COL2A1: variants seen among roughly 807,000 people sequenced by gnomAD.
The protein encoded by COL2A1 is collagen type II alpha 1 chain.
COL2A1 carries 28 observed loss-of-function variants against 204.5 expected under a neutral mutation model. The observed-to-expected ratio is 0.14, with a 90% confidence interval of 0.10 to 0.19. The LOEUF (loss-of-function observed/expected upper bound fraction) is 0.19. COL2A1 is among the 10% of genes least tolerant of loss of function. The probability of loss-of-function intolerance (pLI) is 1.00; values close to 1 mark genes in which losing one functional copy is unlikely to be tolerated. For synonymous variants in COL2A1, 708 were observed against 718.7 expected (o/e 0.99, Z 0.24); for missense variants, 1,388 against 2,027.5 (o/e 0.68, Z 6.06).
Position 48,004,218 on chromosome 12 carries a change from G to A in COL2A1, c.85+19C>T, listed in dbSNP as rs1226067126. 2 of 1,513,896 alleles carry A rather than the reference G, an allele frequency of 1.3e-6. No individual in the cohort carries two copies. The highest frequency in any genetic ancestry group is 9.0e-7 in the Non-Finnish European group (1 of 1,115,392). 93.8% of individuals were successfully genotyped at this position (1,513,896 alleles called of 1,614,324 possible). On this transcript the variant is annotated intron_variant, in intron 1 of 53. Transcript: ENST00000380518. ...CGCATGGAAAGCAGGCAGGCAGGCA[G>A]GGGCGGGGGAAGACTTACGGACATC...
At chr12:47,981,188 T>C (rs1184856413) in intron 37 of COL2A1, among the ~76,000 whole-genome samples, 155 bp downstream of exon 37, 1 of 151,938 alleles carries the variant, frequency 6.6e-6, no homozygotes, top group Non-Finnish European at 1.5e-5. Context: ...TCCCTTCCCA[T>C]CTCTCCTCCC....
upstream of COL2A1, chr12:48,005,588 C>G (rs764977028): frequency 1.3e-5 from 2 of 152,394 alleles, no homozygotes; most frequent in Non-Finnish European, 2.9e-5. Context: ...CCCCGGTGAG[C>G]GCCCTCTCTC....
intron 28 of COL2A1, 85 bp downstream of exon 28, chr12:47,984,461 C>G (rs1484653469): frequency 7.1e-7 from 1 of 1,408,452 alleles, no homozygotes; most frequent in Non-Finnish European, 1.0e-6. Context: ...GGTCCCGGGA[C>G]CATGCCATGG....
intron 8 of COL2A1, 81 bp from the exon 9 acceptor site, chr12:47,996,000 A>C: frequency 8.6e-7 from 1 of 1,167,168 alleles, no homozygotes; most frequent in Non-Finnish European, 1.3e-6. Flanking sequence ...CCCAGCCAAC[A>C]GCCCGGGCAA....
At chr12:47,993,673 T>TCAG in intron 14 of COL2A1, 136 bp downstream of exon 14, 1 of 1,153,078 alleles carries the variant, frequency 8.7e-7, no homozygotes, top group Non-Finnish European at 1.3e-6. Flanking sequence ...CCCATCAGGA[T>TCAG]GTAGGGCTGG....
At position 47,978,698 on chromosome 12, in the gene COL2A1, G is replaced by A. The variant is rs121912866; in HGVS notation, c.2794C>T (p.Arg932Ter). Residue 932 changes from arginine (R) to a stop codon, truncating the protein, a stop_gained, in exon 42 of 54, where the codon CGA becomes TGA. Coordinates refer to ENST00000380518, the MANE Select transcript of COL2A1 (RefSeq NM_001844.5). LOFTEE classifies it high-confidence loss of function. The surrounding 1 kb of genome is among the most constrained non-coding windows in gnomAD (Gnocchi z 5.5). ...CGGCCAGGGGGGCCGCTGTCTCCTCGAGCACCTTTGGGACCATCTTTTCCA... is the reference window on the plus strand; with the variant it reads ...CGGCCAGGGGGGCCGCTGTCTCCTCAAGCACCTTTGGGACCATCTTTTCCA... ...PSGKDGPKGARGDSGPPGRAG... is the reference protein window; with the variant it reads ...PSGKDGPKGA 1 of 1,613,234 alleles carries A rather than the reference G, an allele frequency of 6.2e-7. No homozygotes were observed. The highest frequency in any genetic ancestry group is 8.5e-7 in the Non-Finnish European group (1 of 1,179,996).
intron 2 of COL2A1, among the ~76,000 whole-genome samples, chr12:47,999,130 G>A (rs1210724242): frequency 6.6e-6 from 1 of 152,316 alleles, no homozygotes. Flanking sequence ...TCAGCAGGAA[G>A]CGGACAGCAA....
chr12:47,974,252 C>G lies in COL2A1; in HGVS notation c.4154G>C (p.Gly1385Ala), dbSNP rs767382058. 3 of 1,614,216 alleles carry G rather than the reference C, an allele frequency of 1.9e-6. No individual in the cohort carries two copies. The highest frequency in any genetic ancestry group is 2.2e-5 in the South Asian group (2 of 91,088). The change falls in exon 53 of 54, where the codon GGC (glycine) becomes GCC (alanine). Residue 1385 changes from glycine to alanine, a missense_variant. Gly to Ala is a moderately conservative substitution (Grantham distance 60). This residue lies in a region of COL2A1 where 303 missense variants were observed against 369.2 expected (regional missense o/e 0.82). Transcript: ENST00000380518. ...MTFLRLLSTEGSQNITYHCKN... is the reference protein window; with the variant it reads ...MTFLRLLSTEASQNITYHCKN... ...GCAGTGGTAGGTGATGTTCTGGGAG[C>G]CTTCCGTGGACAGCAGGCGTAGGAA...
In COL2A1 at chr12:47,993,006, C is replaced by T. The variant is rs1039154104; in HGVS notation, c.970-75G>A. On this transcript the variant is annotated intron_variant, in intron 15 of 53. Transcript: ENST00000380518. Reference sequence around the variant, plus strand: ...CAGGGTGACCATTTCTACCTGCAGGCCCTTTGCGGATACCAGAGGAGAGGG... The same window carrying T: ...CAGGGTGACCATTTCTACCTGCAGGTCCTTTGCGGATACCAGAGGAGAGGG... 3 of 1,408,202 alleles carry T rather than the reference C, an allele frequency of 2.1e-6. No individual in the cohort carries two copies. The East Asian group carries it at 7.0e-5, about 33-fold the overall frequency. 87.2% of individuals were successfully genotyped at this position (1,408,202 alleles called of 1,614,324 possible).
At chr12:47,993,909 G>C in intron 13 of COL2A1, 47 bp from the exon 14 acceptor site, 1 of 1,613,782 alleles carries the variant, frequency 6.2e-7, no homozygotes, top group Non-Finnish European at 8.5e-7. Context: ...GGAAACCCAA[G>C]TTGGAAGAAA....
intron 26 of COL2A1, 39 bp downstream of exon 26, chr12:47,985,495 C>T (rs761743720): frequency 1.3e-6 from 2 of 1,597,050 alleles, no homozygotes; most frequent in Admixed American, 1.7e-5. Context: ...CCAGGGAGAT[C>T]CCCCCACCCT....
chr12:47,986,069 G>T, intron 23 of COL2A1, 104 bp from the exon 24 acceptor site: 1 of 1,155,710 alleles, frequency 8.7e-7, no homozygotes, highest in Non-Finnish European at 1.3e-6. Context: ...TTTCTGGGGA[G>T]CAGTAGCTGT....
chr12:47,989,332 C>A, intron 17 of COL2A1, 51 bp from the exon 18 acceptor site: 1 of 1,470,766 alleles, frequency 6.8e-7, no homozygotes, highest in Non-Finnish European at 9.4e-7. Context: ...TTCTGGCCTC[C>A]AAAGCGAGCC....
chr12:47,982,466 A>G, intron 34 of COL2A1, 36 bp downstream of exon 34: 2 of 1,546,796 alleles, frequency 1.3e-6, no homozygotes, highest in Non-Finnish European at 1.8e-6. Flanking sequence ...TGGCAAAGCC[A>G]CAGCTTTGGT....
intron 29 of COL2A1, 160 bp from the exon 30 acceptor site, chr12:47,983,896 C>T (rs1939238977): frequency 1.1e-6 from 1 of 928,144 alleles, no homozygotes; most frequent in African/African-American, 1.6e-5. Flanking sequence ...CATCAGCCAC[C>T]CACACTCCTC....
At chr12:47,981,048 C>A in intron 37 of COL2A1, 80 bp from the exon 38 acceptor site, 1 of 1,357,214 alleles carries the variant, frequency 7.4e-7, no homozygotes, top group South Asian at 1.3e-5. Flanking sequence ...GCCCCTTGGG[C>A]CCTGCCCAGC....
chr12:47,982,049 C>T, intron 35 of COL2A1, 58 bp downstream of exon 35: 4 of 1,555,980 alleles, frequency 2.6e-6, no homozygotes, highest in Non-Finnish European at 3.5e-6. Flanking sequence ...CTCCTGCTCT[C>T]CTGGGTGCAG....
chr12:47,999,852 T>C, intron 2 of COL2A1, 67 bp downstream of exon 2: 2 of 1,385,554 alleles, frequency 1.4e-6, no homozygotes, highest in Admixed American at 3.4e-5. Flanking sequence ...CCAGCATCTA[T>C]GGGAGCGTGT....
At chr12:47,998,090 G>C (rs766779650) in intron 4 of COL2A1, 26 bp from the exon 5 acceptor site, 50 of 1,614,088 alleles carry the variant, frequency 3.1e-5, no homozygotes, top group Non-Finnish European at 4.2e-5. Context: ...CCACAGGATG[G>C]TAAGTTAGAG....
Sources: allele counts gnomAD v4.1 joint callset (sites outside exome capture counted in the v4.1 genomes callset), GRCh38; gene constraint gnomAD v4.1.1; regional missense constraint gnomAD v4.1.1; non-coding constraint Gnocchi (gnomAD v3.1); transcripts MANE v1.5; gene names NCBI Gene and HGNC (gene_info 2026-07-23, HGNC 2026-07-21).